Variants in CPNE8 observed in about 807,000 individuals in gnomAD.
CPNE8 encodes the protein copine 8, also known as copine-8.
Under a neutral mutation model 81.5 loss-of-function variants are expected in CPNE8, and 45 were observed. That is an observed-to-expected ratio of 0.55 (90% CI 0.44 to 0.71). The LOEUF (loss-of-function observed/expected upper bound fraction) is 0.71. Among genes scored for constraint, CPNE8 ranks in the 30% least tolerant of loss-of-function variants. The pLI is 0.00. For synonymous variants in CPNE8, 252 were observed against 226.3 expected (o/e 1.11, Z -1.02); for missense variants, 594 against 672.1 (o/e 0.88, Z 1.28).
intron 6 of CPNE8, among the ~76,000 whole-genome samples, chr12:38,800,058 A>C (rs1463846768): frequency 1.6e-5 from 2 of 128,006 alleles, no homozygotes; most frequent in Non-Finnish European, 3.4e-5. Flanking sequence ...ATCAAACTGC[A>C]AGGCGGCAAC....
intron 13 of CPNE8, among the ~76,000 whole-genome samples, chr12:38,718,837 A>G (rs826851): frequency 0.57 from 86,504 of 151,926 alleles, 25,064 homozygotes; most frequent in East Asian, 0.81. Flanking sequence ...GGAAATTTTT[A>G]AATTAAATGA....
At chr12:38,785,319 A>G (rs748651950) in intron 6 of CPNE8, among the ~76,000 whole-genome samples, 3 of 152,266 alleles carry the variant, frequency 2.0e-5, no homozygotes, top group Non-Finnish European at 4.4e-5. Flanking sequence ...TGTGGTGTGT[A>G]AAATAATCTT....
At chr12:38,733,730 C>T (rs980571) in intron 10 of CPNE8, among the ~76,000 whole-genome samples, 18 of 151,720 alleles carry the variant, frequency 1.2e-4, no homozygotes, top group Non-Finnish European at 2.7e-4. Context: ...GAATTAAACA[C>T]GTATTTTGAG....
At chr12:38,666,235 T>C (rs1469868119) in intron 19 of CPNE8, among the ~76,000 whole-genome samples, 1 of 152,180 alleles carries the variant, frequency 6.6e-6, no homozygotes, top group Non-Finnish European at 1.5e-5. Context: ...TAATAGATCT[T>C]AATAATTTTC....
intron 11 of CPNE8, among the ~76,000 whole-genome samples, chr12:38,727,641 G>T (rs1220192861): frequency 6.6e-6 from 1 of 152,170 alleles, no homozygotes. Context: ...CAGGACATTT[G>T]TTGAAAGTAG....
chr12:38,675,449 T>C (rs1939266828), intron 18 of CPNE8, among the ~76,000 whole-genome samples: 1 of 152,160 alleles, frequency 6.6e-6, no homozygotes, highest in Admixed American at 6.5e-5. Flanking sequence ...CTACCTCTAA[T>C]GAAATAGAAA....
Position 38,774,938 on chromosome 12 carries a change from C to T in CPNE8, c.471+1300G>A, listed in dbSNP as rs140223675. 6.8e-3 allele frequency among the ~76,000 whole-genome samples: 1,039 copies of T among 152,172 alleles called. 18 individuals are homozygous for T. Among genetic ancestry groups the T allele is most frequent in the African/African-American group, 0.023 (961 of 41,508 alleles). On this transcript the variant is annotated intron_variant, in intron 7 of 19. Transcript: ENST00000331366. ...ATATTAGTGTTTAACTATTTCCACT[C>T]ATCTGTTATTATAGTTCCTATTGTT...
At chr12:38,881,829 G>A (rs1169620564) in intron 1 of CPNE8, among the ~76,000 whole-genome samples, 1 of 152,092 alleles carries the variant, frequency 6.6e-6, no homozygotes. Context: ...GGTAATGCAA[G>A]CTTTCAGAAA....
Position 38,702,856 on chromosome 12 carries a change from G to C in CPNE8, c.961+19C>G. 1 of 1,443,646 alleles carries C rather than the reference G, an allele frequency of 6.9e-7. No individual in the cohort carries two copies. The highest frequency in any genetic ancestry group is 1.4e-5 in the African/African-American group (1 of 70,156). The allele number at this position is 1,443,646 out of a possible 1,614,324, so 89.4% of individuals were successfully genotyped here. On this transcript the variant is annotated intron_variant, in intron 14 of 19. Transcript: ENST00000331366. ...GTAATTGCTGATGATTTTTATCAGG[G>C]GATAATCAAAACACTCACCGTTTGA...
intron 7 of CPNE8, 144 bp from the exon 8 acceptor site, chr12:38,767,882 A>C: frequency 4.2e-6 from 2 of 474,866 alleles, no homozygotes; most frequent in Non-Finnish European, 7.2e-6. Flanking sequence ...ACAACATAAA[A>C]TTGCTTTTTA....
At chr12:38,695,072 T>C (rs139599542) in intron 14 of CPNE8, among the ~76,000 whole-genome samples, 13 of 152,322 alleles carry the variant, frequency 8.5e-5, no homozygotes, top group Non-Finnish European at 1.8e-4. Context: ...CTTATCAAAA[T>C]GGCCTAATGT....
chr12:38,897,441 G>A (rs1380618353), intron 1 of CPNE8, among the ~76,000 whole-genome samples: 1 of 151,902 alleles, frequency 6.6e-6, no homozygotes, highest in Non-Finnish European at 1.5e-5. Flanking sequence ...GCAACTTTTT[G>A]AAATAAATTT....
intron 1 of CPNE8, among the ~76,000 whole-genome samples, chr12:38,884,329 T>G (rs988016726): frequency 2.0e-5 from 3 of 152,212 alleles, no homozygotes; most frequent in Non-Finnish European, 4.4e-5. Flanking sequence ...TTCTTTCAAG[T>G]ACATGATGTT....
At chr12:38,747,374 T>C (rs1258940656) in intron 10 of CPNE8, among the ~76,000 whole-genome samples, 1 of 152,134 alleles carries the variant, frequency 6.6e-6, no homozygotes, top group Non-Finnish European at 1.5e-5. Flanking sequence ...TAGCCACCTA[T>C]AGGAATGGAG....
At chr12:38,754,959 A>AT (rs1941427834) in intron 10 of CPNE8, among the ~76,000 whole-genome samples, 1 of 152,188 alleles carries the variant, frequency 6.6e-6, no homozygotes, top group Non-Finnish European at 1.5e-5. Flanking sequence ...GAAACAAAAT[A>AT]AATACGAAAA....
At chr12:38,854,269 G>A (rs1443637403) in intron 3 of CPNE8, among the ~76,000 whole-genome samples, 1 of 151,408 alleles carries the variant, frequency 6.6e-6, no homozygotes, top group Non-Finnish European at 1.5e-5. Flanking sequence ...ATAAAACACT[G>A]GCCTCAACAG....
intron 6 of CPNE8, among the ~76,000 whole-genome samples, chr12:38,820,332 G>C (rs909489028): frequency 5.9e-5 from 9 of 152,002 alleles, no homozygotes; most frequent in South Asian, 2.1e-4. Flanking sequence ...TTGAACCCGG[G>C]AGGCAGAAGT....
chr12:38,810,806 CCAAGTTCATTCATGTTGTTGGCA>C (rs1942920727), intron 6 of CPNE8, among the ~76,000 whole-genome samples: 1 of 152,146 alleles, frequency 6.6e-6, no homozygotes, highest in Non-Finnish European at 1.5e-5. Context: ...GACTTCACTT[CCAAGTTCATTCATGTTGTTGGCA>C]AAATTCATTT....
chr12:38,727,922 G>A (rs966220174), intron 11 of CPNE8, among the ~76,000 whole-genome samples: 3 of 152,172 alleles, frequency 2.0e-5, no homozygotes, highest in Non-Finnish European at 2.9e-5. Context: ...AGGACTTTAC[G>A]TTGTTGGAGC....
Sources: allele counts gnomAD v4.1 joint callset (sites outside exome capture counted in the v4.1 genomes callset), GRCh38; gene constraint gnomAD v4.1.1; transcripts MANE v1.5; gene names NCBI Gene and HGNC (gene_info 2026-07-23, HGNC 2026-07-21).